Variants in FRMD4A observed in about 807,000 individuals in gnomAD.
The protein encoded by FRMD4A is FERM domain-containing protein 4A.
In FRMD4A, 29 loss-of-function variants were observed where a neutral mutation model predicts 129.1. The ratio of observed to expected loss-of-function variants is 0.22; its 90% CI spans 0.17 to 0.31. The LOEUF is 0.31. FRMD4A is among the 10% of genes least tolerant of loss of function. The probability of loss-of-function intolerance (pLI) is 1.00; values close to 1 mark genes in which losing one functional copy is unlikely to be tolerated. For synonymous variants in FRMD4A, 634 were observed against 571.6 expected, an observed-to-expected ratio of 1.11 and a Z score of -1.56; for missense variants, 1,272 against 1,375.8, an observed-to-expected ratio of 0.92 and a Z score of 1.19.
rs372932650 is a variant in FRMD4A, at chr10:13,823,526, A to T, written c.112-12618T>A. 4.3e-4 allele frequency among the ~76,000 whole-genome samples: 65 copies of T among 152,368 alleles called. 1 individual carries two copies. The South Asian group carries it at 0.013, about 30-fold the overall frequency. On this transcript the variant is annotated intron_variant, in intron 3 of 24. Coordinates refer to ENST00000357447, the MANE Select transcript of FRMD4A (RefSeq NM_018027.5). ...ATAGAAAATATGGGGATGATAAACGAAGCAACATCTTGGGATTCCAAGCTC... is the reference window on the plus strand; with the variant it reads ...ATAGAAAATATGGGGATGATAAACGTAGCAACATCTTGGGATTCCAAGCTC...
chr10:13,923,962 T>A lies in FRMD4A; in HGVS notation c.46-65050A>T, dbSNP rs376865913. 2.1e-4 allele frequency among the ~76,000 whole-genome samples: 32 copies of A among 152,324 alleles called. 1 individual carries two copies. Among genetic ancestry groups the A allele is most frequent in the Admixed American group, 5.9e-4 (9 of 15,298 alleles). On this transcript the variant is annotated intron_variant, in intron 2 of 24. Coordinates refer to ENST00000357447, the MANE Select transcript of FRMD4A (RefSeq NM_018027.5). ...GCAATGTAATGATAGAGGCAGCATGTGCCACATGTCAATGACAAACCATGT... is the reference window on the plus strand; with the variant it reads ...GCAATGTAATGATAGAGGCAGCATGAGCCACATGTCAATGACAAACCATGT...
In FRMD4A at chr10:13,657,345, C is replaced by T. The variant is rs750849499; in HGVS notation, c.2244G>A (p.Ser748=). ...CCGAGCTCGAGTGGCTGGTGCACGACGAGCAGTCGTCCATGGGGTCTGAGC... is the reference window on the plus strand; with the variant it reads ...CCGAGCTCGAGTGGCTGGTGCACGATGAGCAGTCGTCCATGGGGTCTGAGC... ...SNGSDPMDDC[S]SCTSHSSSEH... The change falls in exon 22 of 25, where the codon TCG becomes TCA. Residue 748 remains serine (S), a synonymous_variant. Transcript: ENST00000357447. 11 of 1,609,376 alleles carry T rather than the reference C, an allele frequency of 6.8e-6. No individual in the cohort carries two copies. Among genetic ancestry groups the T allele is most frequent in the Non-Finnish European group, 9.3e-6 (11 of 1,179,154 alleles).
chr10:13,938,839 G>A (rs551022224), intron 2 of FRMD4A, among the ~76,000 whole-genome samples: 3 of 150,902 alleles, frequency 2.0e-5, no homozygotes, highest in Admixed American at 6.6e-5. Context: ...GAGCAACACC[G>A]TCCTCCCCAA....
At chr10:14,133,107 G>A (rs1041938270) in intron 2 of FRMD4A, among the ~76,000 whole-genome samples, 1 of 152,172 alleles carries the variant, frequency 6.6e-6, no homozygotes, top group African/African-American at 2.4e-5. Flanking sequence ...ATGGCAGAAG[G>A]AAGTGCATTT....
intron 2 of FRMD4A, among the ~76,000 whole-genome samples, chr10:14,230,590 C>T (rs563350648): frequency 6.6e-6 from 1 of 152,222 alleles, no homozygotes; most frequent in East Asian, 1.9e-4. Context: ...CTCTTAATTC[C>T]TGACGAGAAT....
At chr10:13,695,726 A>G (rs1268289290) in intron 14 of FRMD4A, among the ~76,000 whole-genome samples, 1 of 152,198 alleles carries the variant, frequency 6.6e-6, no homozygotes, top group Non-Finnish European at 1.5e-5. Flanking sequence ...TGGCCTGTGG[A>G]ACCCAAGGTC....
At chr10:14,279,727 A>G (rs1218173592) in intron 2 of FRMD4A, among the ~76,000 whole-genome samples, 2 of 152,202 alleles carry the variant, frequency 1.3e-5, no homozygotes, top group African/African-American at 4.8e-5. Flanking sequence ...TCCTAACTCT[A>G]TGTGGAGTCA....
At chr10:13,728,053 A>T (rs1403766712) in intron 12 of FRMD4A, 3 of 152,232 alleles carry the variant, frequency 2.0e-5, no homozygotes, top group Non-Finnish European at 4.4e-5. Flanking sequence ...CGTACTGAAC[A>T]AGTGAATGAA....
chr10:13,826,122 C>T (rs1337419819), intron 3 of FRMD4A, among the ~76,000 whole-genome samples: 2 of 152,228 alleles, frequency 1.3e-5, no homozygotes, highest in African/African-American at 4.8e-5. Context: ...AATAAATGAT[C>T]ATTCACAAGG....
intron 8 of FRMD4A, among the ~76,000 whole-genome samples, chr10:13,759,729 C>T (rs2091994912): frequency 6.6e-6 from 1 of 152,058 alleles, no homozygotes; most frequent in African/African-American, 2.4e-5. Context: ...AACCTGAAAA[C>T]ATTATGTTTA....
intron 2 of FRMD4A, among the ~76,000 whole-genome samples, chr10:13,912,325 C>A (rs1344998696): frequency 6.6e-6 from 1 of 152,014 alleles, no homozygotes; most frequent in Non-Finnish European, 1.5e-5. Context: ...GGCAGTTCCT[C>A]AAAATGTTAA....
chr10:14,113,294 CCTCTT>C (rs1838021778), intron 2 of FRMD4A, among the ~76,000 whole-genome samples: 1 of 152,160 alleles, frequency 6.6e-6, no homozygotes, highest in Non-Finnish European at 1.5e-5. Context: ...ACCAACCTCT[CCTCTT>C]CCTCCTCAGC....
rs77511123 is a variant in FRMD4A at position 14,323,540 on chromosome 10, T to G, written c.45+6518A>C. ...GACTAGTTTTGCAGATTACCTATCA[T>G]GGTATACAAGATGCACAGACAACTG... On this transcript the variant is annotated intron_variant, in intron 2 of 24. Coordinates refer to ENST00000357447, the MANE Select transcript of FRMD4A (RefSeq NM_018027.5). Among the ~76,000 whole-genome samples, 520 of 152,162 alleles carry G rather than the reference T, an allele frequency of 3.4e-3. 3 individuals carry two copies. The highest frequency in any genetic ancestry group is 0.012 in the African/African-American group (496 of 41,490).
At chr10:14,048,547 T>G (rs1834087526) in intron 2 of FRMD4A, among the ~76,000 whole-genome samples, 1 of 152,180 alleles carries the variant, frequency 6.6e-6, no homozygotes. Flanking sequence ...GGCTCATGCC[T>G]GTAATCACAG....
chr10:13,975,246 T>G (rs111163915), intron 2 of FRMD4A, among the ~76,000 whole-genome samples: 9,796 of 151,470 alleles, frequency 0.065, 379 homozygotes, highest in Non-Finnish European at 0.08. Flanking sequence ...TGTGCCTATC[T>G]CTGAGCCTCT....
chr10:14,159,977 G>C (rs1274820805), intron 2 of FRMD4A, among the ~76,000 whole-genome samples: 1 of 152,144 alleles, frequency 6.6e-6, no homozygotes, highest in Admixed American at 6.5e-5. Flanking sequence ...TTGAACCTGG[G>C]AGGCAGAGGT....
At chr10:14,120,971 C>G (rs1338109586) in intron 2 of FRMD4A, among the ~76,000 whole-genome samples, 1 of 152,226 alleles carries the variant, frequency 6.6e-6, no homozygotes, top group Non-Finnish European at 1.5e-5. Flanking sequence ...GAGCAGTTTT[C>G]TGGGTGTGAT....
chr10:14,051,602 T>C (rs1312676311), intron 2 of FRMD4A, among the ~76,000 whole-genome samples: 1 of 152,182 alleles, frequency 6.6e-6, no homozygotes, highest in African/African-American at 2.4e-5. Flanking sequence ...GAAACCTCCA[T>C]GGTTGACACT....
intron 2 of FRMD4A, among the ~76,000 whole-genome samples, chr10:14,113,216 C>T (rs1838016449): frequency 1.3e-5 from 2 of 152,254 alleles, no homozygotes; most frequent in Admixed American, 6.5e-5. Context: ...TTGAACAATG[C>T]GGTTGAGCTG....
Sources: allele counts gnomAD v4.1 joint callset (sites outside exome capture counted in the v4.1 genomes callset), GRCh38; gene constraint gnomAD v4.1.1; transcripts MANE v1.5; gene names NCBI Gene and HGNC (gene_info 2026-07-23, HGNC 2026-07-21).